Variants in CCDC158 observed in about 807,000 individuals in gnomAD.
The protein encoded by CCDC158 is coiled-coil domain containing 158.
CCDC158 carries 116 observed loss-of-function variants against 138.6 expected under a neutral mutation model. The ratio of observed to expected loss-of-function variants is 0.84; its 90% CI spans 0.72 to 0.98. The LOEUF is 0.98. Ranked by LOEUF, CCDC158 falls within the 50% of genes least tolerant of loss-of-function variation. CCDC158 has a pLI of 0.00. For missense variants in CCDC158, 1,265 were observed against 1,306.1 expected (o/e 0.97, Z 0.48); for synonymous variants, 436 against 442.4 (o/e 0.99, Z 0.18).
At position 76,416,146 on chromosome 4, in the gene CCDC158, TC is replaced by T. The variant is rs559397088; in HGVS notation, c.-116-4015del. ...ATGGTGTAAGCTGTCTCTCTCTCTC[TC>T]CTCTCTCTCTCTGCCTCAGCTGCCA... On this transcript the variant is annotated intron_variant, in intron 1 of 24. Coordinates refer to ENST00000682701, the MANE Select transcript of CCDC158 (RefSeq NM_001394954.1). Among the ~76,000 whole-genome samples the T allele has an allele frequency of 1.8e-3, 265 of 149,802 alleles. 2 individuals carry two copies. Among genetic ancestry groups the T allele is most frequent in the African/African-American group, 6.4e-3 (252 of 39,332 alleles).
At chr4:76,378,929 G>A (rs1725966061) in intron 9 of CCDC158, among the ~76,000 whole-genome samples, 1 of 152,152 alleles carries the variant, frequency 6.6e-6, no homozygotes, top group African/African-American at 2.4e-5. Flanking sequence ...AGGAGTTGAA[G>A]TAAGAGAGGA....
chr4:76,370,146 G>A (rs974786331), intron 10 of CCDC158, among the ~76,000 whole-genome samples: 2 of 152,054 alleles, frequency 1.3e-5, no homozygotes, highest in African/African-American at 4.8e-5. Flanking sequence ...ACTCTAGTCA[G>A]ACTAGTAAAA....
chr4:76,411,467 G>A (rs548496258), intron 2 of CCDC158, among the ~76,000 whole-genome samples: 33 of 152,258 alleles, frequency 2.2e-4, no homozygotes, highest in African/African-American at 7.7e-4. Context: ...AGCAGTGTAT[G>A]TAAACTAACT....
At position 76,371,455 on chromosome 4, in the gene CCDC158, C is replaced by T. The variant is rs371689241; in HGVS notation, c.1111G>A (p.Glu371Lys). The change falls in exon 10 of 25, where the codon GAA becomes AAA. Residue 371 changes from glutamate to lysine, a missense_variant. Glu to Lys is a moderately conservative substitution (Grantham distance 56). Coordinates refer to ENST00000682701, the MANE Select transcript of CCDC158 (RefSeq NM_001394954.1). ...ARTERDQFSQ[E>K]SGNLDDQLQK... ...AGTTGATCATCTAAATTTCCAGATT[C>T]CTGACTGAATTGATCACGCTCTGTC... 3.7e-5 allele frequency: 60 copies of T among 1,613,970 alleles called. No homozygotes were observed. The African/African-American group carries it at 6.5e-4, about 18-fold the overall frequency.
chr4:76,335,298 T>C (rs1310759684), intron 18 of CCDC158, among the ~76,000 whole-genome samples: 2 of 152,178 alleles, frequency 1.3e-5, no homozygotes, highest in Admixed American at 6.6e-5. Flanking sequence ...ATACCCAATA[T>C]GGAATAAAAC....
intron 2 of CCDC158, among the ~76,000 whole-genome samples, chr4:76,405,309 T>C (rs1234263845): frequency 6.6e-6 from 1 of 152,124 alleles, no homozygotes; most frequent in African/African-American, 2.4e-5. Context: ...CTCAAAAGGT[T>C]TGAAGCCACA....
At chr4:76,352,449 A>G (rs1459938544) in intron 16 of CCDC158, 1 of 152,206 alleles carries the variant, frequency 6.6e-6, no homozygotes, top group Non-Finnish European at 1.5e-5. Flanking sequence ...AAATAACCAC[A>G]ACTGAAATTC....
intron 14 of CCDC158, 87 bp from the exon 15 acceptor site, chr4:76,355,523 T>C: frequency 1.1e-6 from 1 of 879,068 alleles, no homozygotes. Context: ...TATGAGAAGG[T>C]GACAAGTAAG....
intron 12 of CCDC158, among the ~76,000 whole-genome samples, chr4:76,366,234 G>C (rs1327610121): frequency 6.6e-6 from 1 of 152,086 alleles, no homozygotes; most frequent in African/African-American, 2.4e-5. Flanking sequence ...CCTTTTCATG[G>C]TGAGTTTGGC....
chr4:76,401,292 A>G (rs1728366003), intron 3 of CCDC158: 7 of 485,028 alleles, frequency 1.4e-5, no homozygotes, highest in Admixed American at 1.4e-4. Flanking sequence ...TTCTATAAAA[A>G]GTGTGGCAAG....
intron 12 of CCDC158, among the ~76,000 whole-genome samples, 172 bp downstream of exon 12, chr4:76,367,122 A>T (rs1243743730): frequency 7.1e-6 from 1 of 140,662 alleles, no homozygotes; most frequent in Non-Finnish European, 1.5e-5. Context: ...TCCTTCTATA[A>T]TCTGATAAAA....
At position 76,369,455 on chromosome 4, in the gene CCDC158, TCTTCAAGGCCTTGAGCAGGG is replaced by T. The variant is rs1169164716; in HGVS notation, c.1298_1317del (p.Ala433GlufsTer19). On this transcript the variant is annotated frameshift_variant, in exon 11 of 25. Coordinates refer to ENST00000682701, the MANE Select transcript of CCDC158 (RefSeq NM_001394954.1). LOFTEE classifies it high-confidence loss of function. ...CGCTCCATCTGGCCCTGACACTCGC[TCTTCAAGGCCTTGAGCAGGG>T]CTTCCAGGCGCTGCACCTCCATGTT... is the stretch of plus-strand genomic sequence containing the variant. The T allele has an allele frequency of 6.2e-7, 1 of 1,614,194 alleles. No individual in the cohort carries two copies. The highest frequency in any genetic ancestry group is 1.1e-5 in the South Asian group (1 of 91,084).
chr4:76,414,965 G>A (rs1246322185), intron 1 of CCDC158, among the ~76,000 whole-genome samples: 1 of 152,190 alleles, frequency 6.6e-6, no homozygotes, highest in Admixed American at 6.5e-5. Context: ...TGGGTAACAG[G>A]CAGAGGTTGG....
At chr4:76,347,933 G>A (rs914319448) in intron 18 of CCDC158, among the ~76,000 whole-genome samples, 1 of 152,100 alleles carries the variant, frequency 6.6e-6, no homozygotes. Context: ...CTCTGTTTGG[G>A]TTGTTATAGG....
At chr4:76,336,219 T>C (rs966784537) in intron 18 of CCDC158, among the ~76,000 whole-genome samples, 6 of 144,240 alleles carry the variant, frequency 4.2e-5, no homozygotes, top group Non-Finnish European at 9.1e-5. Flanking sequence ...ACCATTCAAT[T>C]TACCATTCAC....
At chr4:76,405,101 A>G (rs1728712321) in intron 2 of CCDC158, among the ~76,000 whole-genome samples, 4 of 152,240 alleles carry the variant, frequency 2.6e-5, no homozygotes, top group Admixed American at 2.6e-4. Flanking sequence ...TAGTAATACA[A>G]TATTAAGACT....
At chr4:76,354,803 G>A (rs1174773992) in intron 15 of CCDC158, among the ~76,000 whole-genome samples, 12 of 152,094 alleles carry the variant, frequency 7.9e-5, no homozygotes, top group Non-Finnish European at 5.9e-5. Flanking sequence ...AATAACATAC[G>A]AGCTGCATAT....
chr4:76,328,425 T>C (rs1428464736), intron 22 of CCDC158, among the ~76,000 whole-genome samples: 5 of 152,142 alleles, frequency 3.3e-5, no homozygotes, highest in Non-Finnish European at 4.4e-5. Context: ...GCACTGGAAG[T>C]GTGGGAAAAT....
intron 9 of CCDC158, among the ~76,000 whole-genome samples, chr4:76,372,624 C>G (rs1405738611): frequency 6.6e-6 from 1 of 152,058 alleles, no homozygotes; most frequent in East Asian, 1.9e-4. Flanking sequence ...ATAGCCACTA[C>G]TTTTTTAAAG....
Sources: gnomAD v4.1 joint callset for allele counts (sites outside exome capture counted in the v4.1 genomes callset) on GRCh38, gnomAD v4.1.1 for gene constraint, MANE v1.5 for transcripts, NCBI Gene and HGNC (gene_info 2026-07-23, HGNC 2026-07-21) for gene names.